UBR2: variants seen among roughly 807,000 people sequenced by gnomAD.
The protein encoded by UBR2 is ubiquitin protein ligase E3 component n-recognin 2, also known as E3 ubiquitin-protein ligase UBR2.
A neutral mutation model predicts 247.9 loss-of-function variants in UBR2; 92 were observed. That is an observed-to-expected ratio of 0.37 (90% confidence interval 0.31 to 0.44). The LOEUF is 0.44. UBR2 is among the 20% of genes least tolerant of loss of function. The pLI, the probability that UBR2 is intolerant of heterozygous loss-of-function variation, is 1.00. For synonymous variants in UBR2, 672 were observed against 693.5 expected, an observed-to-expected ratio of 0.97 and a Z score of 0.49; for missense variants, 1,613 against 2,112.6, an observed-to-expected ratio of 0.76 and a Z score of 4.64.
intron 15 of UBR2, 129 bp downstream of exon 15, chr6:42,637,323 C>A: frequency 1.9e-6 from 2 of 1,034,620 alleles, no homozygotes; most frequent in Non-Finnish European, 2.8e-6. Context: ...CTTATCCAAT[C>A]ATCACATCGT....
Position 42,573,874 on chromosome 6 carries a change from G to A in UBR2, c.219G>A (p.Met73Ile). ...MLAQHVLLGP[M>I]EWYLCGEDPA... ...CACAGCATGTTTTGTTGGGACCAAT[G>A]GAATGGTACCTTTGTGGTGAAGATC... The change falls in exon 2 of 47, where the codon ATG becomes ATA. Residue 73 changes from methionine to isoleucine, a missense_variant. By Grantham distance (10) the Met-to-Ile change is conservative. Coordinates refer to ENST00000372901, the MANE Select transcript of UBR2 (RefSeq NM_001363705.2). The A allele has an allele frequency of 6.2e-7, 1 of 1,614,032 alleles. No homozygotes were observed. The highest frequency in any genetic ancestry group is 8.5e-7 in the Non-Finnish European group (1 of 1,179,984).
rs1279820056 is a variant in UBR2, at chr6:42,659,817, T to A, written c.3404T>A (p.Val1135Glu). The change falls in exon 30 of 47, where the codon GTA becomes GAA. Residue 1135 changes from valine to glutamate, a missense_variant. This residue lies in a region of UBR2 where 1,524 missense variants were observed against 1,967.3 expected (regional missense o/e 0.77). Coordinates refer to ENST00000372901, the MANE Select transcript of UBR2 (RefSeq NM_001363705.2). The surrounding 1 kb of genome is among the most constrained non-coding windows in gnomAD (Gnocchi z 4.3). ...VLAAFVQRST[V>E]LSKNRSKFIQ... is the part of the protein sequence containing the mutation. ...GCAGCATTTGTTCAGAGATCAACTG[T>A]ATTATCAAAAAACAGAAGTAAATTT... 1 of 1,614,162 alleles carries A rather than the reference T, an allele frequency of 6.2e-7. No individual in the cohort carries two copies. The highest frequency in any genetic ancestry group is 8.5e-7 in the Non-Finnish European group (1 of 1,180,018).
chr6:42,691,485 G>A lies in UBR2; in HGVS notation c.*312G>A, dbSNP rs765528827. ...TCCCAGCCATTATGTGATATTTCACGTTATTGATGATAGTGAACCGTGGGT... is the reference window on the plus strand; with the variant it reads ...TCCCAGCCATTATGTGATATTTCACATTATTGATGATAGTGAACCGTGGGT... On this transcript the variant is annotated 3_prime_UTR_variant, in exon 47 of 47. Transcript: ENST00000372901. The A allele has an allele frequency of 5.6e-5, 19 of 336,816 alleles. No individual in the cohort carries two copies. The highest frequency in any genetic ancestry group is 2.4e-4 in the African/African-American group (11 of 45,426). 20.9% of individuals were successfully genotyped at this position (336,816 alleles called of 1,614,324 possible). A position where few individuals can be genotyped will look rare whatever the true frequency, so the allele number is the denominator to read the frequency against.
At chr6:42,600,004 G>C (rs1793256101) in intron 4 of UBR2, among the ~76,000 whole-genome samples, 1 of 152,260 alleles carries the variant, frequency 6.6e-6, no homozygotes. Context: ...GTTATTGTTA[G>C]AAAGTCAGTT....
At chr6:42,603,297 G>T (rs1793503109) in intron 4 of UBR2, among the ~76,000 whole-genome samples, 1 of 152,336 alleles carries the variant, frequency 6.6e-6, no homozygotes, top group South Asian at 2.1e-4. Context: ...AAGTTTTTGA[G>T]ATCGTGGAAT....
Position 42,658,588 on chromosome 6 carries a change from TG to T in UBR2, c.3064-56del, listed in dbSNP as rs767578673. Reference sequence around the variant, plus strand: ...ATTTACAGTGAAGATATTTCTGCTTTGGAAAAAAATGTGCGTTTTAGCATCT... The same window carrying T: ...ATTTACAGTGAAGATATTTCTGCTTTGAAAAAAATGTGCGTTTTAGCATCT... On this transcript the variant is annotated intron_variant, in intron 28 of 46. Coordinates refer to ENST00000372901, the MANE Select transcript of UBR2 (RefSeq NM_001363705.2). 14 of 1,504,176 alleles carry T rather than the reference TG, an allele frequency of 9.3e-6. No homozygotes were observed. In the South Asian group the frequency reaches 1.7e-4, roughly 19 times the overall value. The allele number at this position is 1,504,176 out of a possible 1,614,324, so 93.2% of individuals were successfully genotyped here.
In UBR2 at chr6:42,692,591, C is replaced by T. The variant is rs1325154327; in HGVS notation, c.*1418C>T. ...TAAGGAACAGATGAGTAATAAGAGG[C>T]TCTTGGATTTTTTTAACCAATGCAA... is the stretch of plus-strand genomic sequence containing the variant. On this transcript the variant is annotated 3_prime_UTR_variant, in exon 47 of 47. Transcript: ENST00000372901. The T allele has an allele frequency of 2.6e-5, 4 of 152,128 alleles. No individual in the cohort carries two copies. The highest frequency in any genetic ancestry group is 4.4e-5 in the Non-Finnish European group (3 of 68,028). 9.4% of individuals were successfully genotyped at this position (152,128 alleles called of 1,614,324 possible).
At position 42,658,063 on chromosome 6, in the gene UBR2, C is replaced by T. The variant is rs1562368051; in HGVS notation, c.2912C>T (p.Ala971Val). The change falls in exon 27 of 47, where the codon GCT becomes GTT. Residue 971 changes from alanine to valine, a missense_variant. Ala to Val is a moderately conservative substitution (Grantham distance 64). Transcript: ENST00000372901. The stretch of plus-strand genomic sequence containing the variant: ...CCAAAAAATTCTCCTAGCATACTAG[C>T]TATGCTGGAAACACTACAAAATGCT... The part of the protein sequence containing the change: ...EAPKNSPSIL[A>V]MLETLQNAPY... The T allele has an allele frequency of 1.2e-6, 2 of 1,614,048 alleles. No individual in the cohort carries two copies. Among genetic ancestry groups the T allele is most frequent in the Non-Finnish European group, 1.7e-6 (2 of 1,179,978 alleles).
intron 11 of UBR2, among the ~76,000 whole-genome samples, chr6:42,624,336 G>GT (rs1554253375): frequency 1.5e-5 from 2 of 135,884 alleles, no homozygotes; most frequent in Non-Finnish European, 3.3e-5. Context: ...TGTTGAGTTG[G>GT]TGGGGGGGGT....
intron 1 of UBR2, among the ~76,000 whole-genome samples, chr6:42,572,565 C>A (rs1283895372): frequency 6.6e-6 from 1 of 151,288 alleles, no homozygotes; most frequent in Admixed American, 6.6e-5. Flanking sequence ...TTAAGGAATA[C>A]ATGTGCAGGT....
At chr6:42,640,920 G>A (rs1415617380) in intron 16 of UBR2, among the ~76,000 whole-genome samples, 1 of 151,632 alleles carries the variant, frequency 6.6e-6, no homozygotes, top group Non-Finnish European at 1.5e-5. Context: ...GTAGAGACAG[G>A]GTTTCACCAT....
intron 1 of UBR2, among the ~76,000 whole-genome samples, chr6:42,565,118 T>G (rs752427070): frequency 1.4e-4 from 21 of 152,326 alleles, no homozygotes; most frequent in Admixed American, 4.6e-4. Context: ...AAATACTGTA[T>G]AAGCTAAACG....
At chr6:42,610,978 T>G (rs889014853) in intron 7 of UBR2, among the ~76,000 whole-genome samples, 2 of 151,330 alleles carry the variant, frequency 1.3e-5, no homozygotes, top group African/African-American at 4.8e-5. Flanking sequence ...CCTAAGTAGC[T>G]GGGATTACAG....
At position 42,636,992 on chromosome 6, in the gene UBR2, G is replaced by GA; in HGVS notation, c.1675-14dup. ...AACTCAACCTTTTGAGTAACTTACAGAAAAACCCTCTTTTTTAGGAAAAAG... is the reference window on the plus strand; with the variant it reads ...AACTCAACCTTTTGAGTAACTTACAGAAAAAACCCTCTTTTTTAGGAAAAAG... On this transcript the variant is annotated intron_variant, in intron 14 of 46. Coordinates refer to ENST00000372901, the MANE Select transcript of UBR2 (RefSeq NM_001363705.2). 1.3e-6 allele frequency: 2 copies of GA among 1,598,634 alleles called. No homozygotes were observed. Among genetic ancestry groups the GA allele is most frequent in the African/African-American group, 1.3e-5 (1 of 74,572 alleles).
intron 18 of UBR2, among the ~76,000 whole-genome samples, chr6:42,643,807 T>G (rs1796585485): frequency 6.6e-6 from 1 of 152,136 alleles, no homozygotes; most frequent in Admixed American, 6.6e-5. Flanking sequence ...GATCTGTATT[T>G]TTAAAATACT....
intron 1 of UBR2, among the ~76,000 whole-genome samples, chr6:42,571,958 A>T (rs1478066182): frequency 6.6e-6 from 1 of 152,066 alleles, no homozygotes; most frequent in Non-Finnish European, 1.5e-5. Context: ...ATGTGTATGT[A>T]TATATAAAAT....
In UBR2 at chr6:42,665,894, G is replaced by A. The variant is rs766467683; in HGVS notation, c.3803-273G>A. ...ACTGCACTTATGACCTTGTGGGAAC[G>A]TAGTATGAACAGGATTTATATCATT... On this transcript the variant is annotated intron_variant, in intron 33 of 46. Transcript: ENST00000372901. 5.9e-5 allele frequency among the ~76,000 whole-genome samples: 9 copies of A among 152,024 alleles called. No homozygotes were observed. In the East Asian group the frequency reaches 9.6e-4, roughly 16 times the overall value.
chr6:42,640,270 A>G lies in UBR2; in HGVS notation c.1920A>G (p.Leu640=), dbSNP rs1796344130. The stretch of plus-strand genomic sequence containing the variant: ...ATAAATTTCCAGAGCTCCTACCTCT[A>G]GTAAGTGGTGCTTACATTTAAAAGT... ...VAYKFPELLP[L]SELSPPMLIE... The change falls in exon 16 of 47, where the codon CTA becomes CTG. Residue 640 remains leucine, a splice_region_variant and synonymous_variant. Coordinates refer to ENST00000372901, the MANE Select transcript of UBR2 (RefSeq NM_001363705.2). The G allele has an allele frequency of 1.2e-6, 2 of 1,604,510 alleles. No individual in the cohort carries two copies. Among genetic ancestry groups the G allele is most frequent in the Non-Finnish European group, 1.7e-6 (2 of 1,176,360 alleles).
At chr6:42,585,853 T>C (rs1240168475) in intron 2 of UBR2, among the ~76,000 whole-genome samples, 1 of 152,194 alleles carries the variant, frequency 6.6e-6, no homozygotes, top group Non-Finnish European at 1.5e-5. Context: ...AGCTTTGTTA[T>C]TTTTGTCTTT....
Sources: allele counts gnomAD v4.1 joint callset (sites outside exome capture counted in the v4.1 genomes callset), GRCh38; gene constraint gnomAD v4.1.1; regional missense constraint gnomAD v4.1.1; non-coding constraint Gnocchi (gnomAD v3.1); transcripts MANE v1.5; gene names NCBI Gene and HGNC (gene_info 2026-07-23, HGNC 2026-07-21).